Variants in KIRREL3 observed in about 807,000 individuals in gnomAD.
The protein encoded by KIRREL3 is kirre like nephrin family adhesion molecule 3.
In KIRREL3, 36 loss-of-function variants were observed where a neutral mutation model predicts 89.7. That is an observed-to-expected ratio of 0.40 (90% CI 0.31 to 0.53). The LOEUF (loss-of-function observed/expected upper bound fraction) is 0.53, where lower values mean the gene tolerates loss of function less well. KIRREL3 is among the 20% of genes least tolerant of loss of function. The pLI is 0.49. For synonymous variants in KIRREL3, 445 were observed against 441.4 expected, an observed-to-expected ratio of 1.01 and a Z score of -0.10; for missense variants, 864 against 1,056.6, an observed-to-expected ratio of 0.82 and a Z score of 2.53.
In KIRREL3 at chr11:126,599,938, G is replaced by T. The variant is rs1219076962; in HGVS notation, c.56-37026C>A. 2.6e-5 allele frequency among the ~76,000 whole-genome samples: 4 copies of T among 152,204 alleles called. No individual in the cohort carries two copies. In the East Asian group the frequency reaches 7.7e-4, roughly 29 times the overall value. ...CCTCCTGGTTTTCAGACCCCTGTGT[G>T]CTCCCTTCCCTTGAGTATGGGCTAG... is the stretch of plus-strand genomic sequence containing the variant. On this transcript the variant is annotated intron_variant, in intron 1 of 16. Coordinates refer to ENST00000525144, the MANE Select transcript of KIRREL3 (RefSeq NM_032531.4).
intron 2 of KIRREL3, among the ~76,000 whole-genome samples, chr11:126,529,584 C>G (rs1325056870): frequency 6.9e-6 from 1 of 144,136 alleles, no homozygotes; most frequent in Non-Finnish European, 1.5e-5. Context: ...GACTAGGTGA[C>G]AGAGTGAGAC....
intron 1 of KIRREL3, among the ~76,000 whole-genome samples, chr11:126,834,568 A>G (rs1005022049): frequency 3.3e-5 from 5 of 152,248 alleles, no homozygotes; most frequent in African/African-American, 1.2e-4. Flanking sequence ...ACTCAAGAGC[A>G]CTGTGAATGC....
At chr11:126,732,310 T>C (rs1158987684) in intron 1 of KIRREL3, among the ~76,000 whole-genome samples, 1 of 152,246 alleles carries the variant, frequency 6.6e-6, no homozygotes, top group African/African-American at 2.4e-5. Context: ...TTTGATGAAT[T>C]ATTGTATTGA....
In KIRREL3 at chr11:126,427,616, G is replaced by A. The variant is rs142297366; in HGVS notation, c.1806+1563C>T. Among the ~76,000 whole-genome samples the A allele has an allele frequency of 1.1e-4, 16 of 152,320 alleles. No individual in the cohort carries two copies. The East Asian group carries it at 2.1e-3, about 20-fold the overall frequency. ...TCTGGAAGGCCAGATGTACTTGGCC[G>A]GAAAATGGAGCTGGAGAGGTTGGTG... On this transcript the variant is annotated intron_variant, in intron 15 of 16. Transcript: ENST00000525144. This position sits in a 1 kb window ranked among gnomAD's most constrained non-coding sequence, Gnocchi z 5.3.
In KIRREL3 at chr11:126,731,435, C is replaced by T. The variant is rs529331182; in HGVS notation, c.56-168523G>A. Among the ~76,000 whole-genome samples the T allele has an allele frequency of 7.2e-5, 11 of 152,330 alleles. No individual in the cohort carries two copies. In the East Asian group the frequency reaches 1.9e-3, roughly 27 times the overall value. Reference sequence around the variant, plus strand: ...CCCGAATACCATTTCCTGGACAAAGCTTTCTCTTGGCTATGCTTCTACCAC... The same window carrying T: ...CCCGAATACCATTTCCTGGACAAAGTTTTCTCTTGGCTATGCTTCTACCAC... On this transcript the variant is annotated intron_variant, in intron 1 of 16. Coordinates refer to ENST00000525144, the MANE Select transcript of KIRREL3 (RefSeq NM_032531.4).
In KIRREL3 at chr11:126,705,487, T is replaced by A. The variant is rs1947493539; in HGVS notation, c.56-142575A>T. 6.6e-6 allele frequency among the ~76,000 whole-genome samples: 1 copy of A among 152,170 alleles called. No homozygotes were observed. Among genetic ancestry groups the A allele is most frequent in the African/African-American group, 2.4e-5 (1 of 41,438 alleles). Reference sequence around the variant, plus strand: ...GTGATGTACCTGCTCCTGCTTCACCTTCTGCCATGATTGGAAGCTTCCTGA... The same window carrying A: ...GTGATGTACCTGCTCCTGCTTCACCATCTGCCATGATTGGAAGCTTCCTGA... On this transcript the variant is annotated intron_variant, in intron 1 of 16. Transcript: ENST00000525144. The surrounding 1 kb of genome is among the most constrained non-coding windows in gnomAD (Gnocchi z 4.3).
chr11:126,715,840 C>T lies in KIRREL3; in HGVS notation c.56-152928G>A, dbSNP rs543194026. Reference sequence around the variant, plus strand: ...GAGGCCAGTGTTCCACCGTCAAGAGCGCAGAAAAGCCCTTGGTGCTCCTCT... The same window carrying T: ...GAGGCCAGTGTTCCACCGTCAAGAGTGCAGAAAAGCCCTTGGTGCTCCTCT... On this transcript the variant is annotated intron_variant, in intron 1 of 16. Coordinates refer to ENST00000525144, the MANE Select transcript of KIRREL3 (RefSeq NM_032531.4). This position sits in a 1 kb window ranked among gnomAD's most constrained non-coding sequence, Gnocchi z 4.4. Among the ~76,000 whole-genome samples, 13 of 152,266 alleles carry T rather than the reference C, an allele frequency of 8.5e-5. 1 individual carries two copies. Among genetic ancestry groups the T allele is most frequent in the African/African-American group, 2.6e-4 (11 of 41,544 alleles).
chr11:126,779,887 G>A (rs986582174), intron 1 of KIRREL3, among the ~76,000 whole-genome samples: 2 of 152,072 alleles, frequency 1.3e-5, no homozygotes, highest in African/African-American at 4.8e-5. Flanking sequence ...TGAACCAAGT[G>A]CTTTGCTACC....
In KIRREL3 at chr11:126,689,758, G is replaced by T. The variant is rs1720361978; in HGVS notation, c.56-126846C>A. ...TTTGGCCACCTGGGTCTCAGCAGAG[G>T]CCCTCCCAAGACTGACAGGTTAGCA... On this transcript the variant is annotated intron_variant, in intron 1 of 16. Coordinates refer to ENST00000525144, the MANE Select transcript of KIRREL3 (RefSeq NM_032531.4). The surrounding 1 kb of genome is among the most constrained non-coding windows in gnomAD (Gnocchi z 5.2). Among the ~76,000 whole-genome samples the T allele has an allele frequency of 6.6e-6, 1 of 152,232 alleles. No individual in the cohort carries two copies. The highest frequency in any genetic ancestry group is 6.5e-5 in the Admixed American group (1 of 15,278).
In KIRREL3 at chr11:126,970,014, C is replaced by T. The variant is rs903764930; in HGVS notation, c.55+30441G>A. ...CTATCTGAGTTAAGACAACGCAATA[C>T]GAAAGAAAATCTGGCTAAAATTAGC... is the stretch of plus-strand genomic sequence containing the variant. On this transcript the variant is annotated intron_variant, in intron 1 of 16. Transcript: ENST00000525144. The surrounding 1 kb of genome is among the most constrained non-coding windows in gnomAD (Gnocchi z 4.4). 1.8e-4 allele frequency among the ~76,000 whole-genome samples: 27 copies of T among 152,118 alleles called. No homozygotes were observed. The highest frequency in any genetic ancestry group is 6.0e-4 in the African/African-American group (25 of 41,422).
intron 4 of KIRREL3, among the ~76,000 whole-genome samples, chr11:126,509,206 T>C (rs995781623): frequency 6.6e-6 from 1 of 152,210 alleles, no homozygotes. Flanking sequence ...CATCATTTCA[T>C]GGGATATACC....
upstream of KIRREL3, chr11:127,000,801 T>C: frequency 2.0e-6 from 1 of 491,956 alleles, no homozygotes; most frequent in Non-Finnish European, 3.6e-6. The surrounding 1 kb of genome is among the most constrained non-coding windows in gnomAD (Gnocchi z 7.1). Flanking sequence ...CACGGCTTCC[T>C]CAGGCGGGCT....
rs369159290 is a variant in KIRREL3, at chr11:126,837,342, A to G, written c.55+163113T>C. Among the ~76,000 whole-genome samples, 12 of 152,362 alleles carry G rather than the reference A, an allele frequency of 7.9e-5. 1 individual carries two copies. Among genetic ancestry groups the G allele is most frequent in the Admixed American group, 4.6e-4 (7 of 15,314 alleles). On this transcript the variant is annotated intron_variant, in intron 1 of 16. Coordinates refer to ENST00000525144, the MANE Select transcript of KIRREL3 (RefSeq NM_032531.4). This position sits in a 1 kb window ranked among gnomAD's most constrained non-coding sequence, Gnocchi z 4.7. ...ATCTCCTTTCTTTTTCCTTGAGTACAAAGAAGAAAATTATCAAATATAGCT... is the reference window on the plus strand; with the variant it reads ...ATCTCCTTTCTTTTTCCTTGAGTACGAAGAAGAAAATTATCAAATATAGCT...
rs191441777 is a variant in KIRREL3 at position 126,860,152 on chromosome 11, A to T, written c.55+140303T>A. On this transcript the variant is annotated intron_variant, in intron 1 of 16. Transcript: ENST00000525144. This position sits in a 1 kb window ranked among gnomAD's most constrained non-coding sequence, Gnocchi z 4.6. ...AAAGAGGGAGGATGATATTGGAATT[A>T]ATTTCAATACAACAAACAGGTAACG... 3.9e-5 allele frequency among the ~76,000 whole-genome samples: 6 copies of T among 152,258 alleles called. No individual in the cohort carries two copies. The highest frequency in any genetic ancestry group is 1.3e-4 in the Admixed American group (2 of 15,300).
intron 1 of KIRREL3, among the ~76,000 whole-genome samples, chr11:126,998,487 G>A (rs1170764986): frequency 6.6e-6 from 1 of 152,156 alleles, no homozygotes; most frequent in Non-Finnish European, 1.5e-5. Flanking sequence ...TGATGGCCAA[G>A]CTCAGAACAC....
At position 126,585,079 on chromosome 11, in the gene KIRREL3, C is replaced by T. The variant is rs1277135516; in HGVS notation, c.56-22167G>A. ...GACTAACAGGCGCCCGCCACCACGC[C>T]CGGCTAATTTTTTGTATTTTTAGTA... is the stretch of plus-strand genomic sequence containing the variant. On this transcript the variant is annotated intron_variant, in intron 1 of 16. Transcript: ENST00000525144. Among the ~76,000 whole-genome samples, 4 of 151,872 alleles carry T rather than the reference C, an allele frequency of 2.6e-5. No homozygotes were observed. In the East Asian group the frequency reaches 7.8e-4, roughly 29 times the overall value.
Position 126,991,134 on chromosome 11 carries a change from G to A in KIRREL3, c.55+9321C>T, listed in dbSNP as rs773931265. On this transcript the variant is annotated intron_variant, in intron 1 of 16. Transcript: ENST00000525144. This position sits in a 1 kb window ranked among gnomAD's most constrained non-coding sequence, Gnocchi z 5.8. ...TTGAAGCTGAGCAGTGGGTGGCTTG[G>A]CAGAGGCTGTTTCTCTTGGCGTTGT... Among the ~76,000 whole-genome samples the A allele has an allele frequency of 1.3e-4, 20 of 152,184 alleles. No individual in the cohort carries two copies. Among genetic ancestry groups the A allele is most frequent in the Non-Finnish European group, 4.4e-5 (3 of 68,032 alleles).
At chr11:126,825,184 A>G (rs1943364208) in intron 1 of KIRREL3, among the ~76,000 whole-genome samples, 1 of 152,264 alleles carries the variant, frequency 6.6e-6, no homozygotes, top group East Asian at 1.9e-4. Context: ...CTGTATGTAG[A>G]CCAATCAAAA....
rs977471336 is a variant in KIRREL3 at position 126,471,958 on chromosome 11, G to A, written c.591+1351C>T. Among the ~76,000 whole-genome samples, 92 of 152,270 alleles carry A rather than the reference G, an allele frequency of 6.0e-4. No homozygotes were observed. The highest frequency in any genetic ancestry group is 2.0e-3 in the African/African-American group (83 of 41,538). On this transcript the variant is annotated intron_variant, in intron 5 of 16. Transcript: ENST00000525144. The surrounding 1 kb of genome is among the most constrained non-coding windows in gnomAD (Gnocchi z 5.4). Reference sequence around the variant, plus strand: ...TGGTAGACACAGCAGGGCAAGGGCTGTTGGGTAAGGGATCATGGGCTGGAT... The same window carrying A: ...TGGTAGACACAGCAGGGCAAGGGCTATTGGGTAAGGGATCATGGGCTGGAT...
Sources: allele counts gnomAD v4.1 joint callset (sites outside exome capture counted in the v4.1 genomes callset), GRCh38; gene constraint gnomAD v4.1.1; non-coding constraint Gnocchi (gnomAD v3.1); transcripts MANE v1.5; gene names NCBI Gene and HGNC (gene_info 2026-07-23, HGNC 2026-07-21).